CHD9: variants seen among roughly 807,000 people sequenced by gnomAD.
The protein encoded by CHD9 is chromodomain helicase DNA binding protein 9.
A neutral mutation model predicts 316.1 loss-of-function variants in CHD9; 77 were observed. The observed-to-expected ratio is 0.24, with a 90% CI of 0.20 to 0.29. CHD9 has a LOEUF of 0.29. Ranked by LOEUF, CHD9 falls within the 10% of genes least tolerant of loss-of-function variation. The pLI is 1.00. For synonymous variants in CHD9, 1,129 were observed against 1,158.3 expected (o/e 0.97, Z 0.51); for missense variants, 2,763 against 3,438.1 (o/e 0.80, Z 4.91).
At chr16:53,255,508 G>A in intron 18 of CHD9, 92 bp from the exon 19 acceptor site, 1 of 1,110,606 alleles carries the variant, frequency 9.0e-7, no homozygotes, top group South Asian at 1.6e-5. Context: ...GTTTAAGCAT[G>A]CCTCTTGTGT....
chr16:53,198,359 G>T (rs977142676), intron 2 of CHD9, among the ~76,000 whole-genome samples: 3 of 127,372 alleles, frequency 2.4e-5, no homozygotes, highest in African/African-American at 6.1e-5. Context: ...TCGCTCTATC[G>T]CCAGGCTAGA....
At position 53,156,371 on chromosome 16, in the gene CHD9, A is replaced by G. The variant is rs770638032; in HGVS notation, c.282A>G (p.Leu94=). ...QSFGSPAEHV[L]SPHSQFNCSP... ...TTGGTAGCCCAGCTGAACATGTGTTATCTCCACACTCTCAGTTTAATTGTT... is the reference window on the plus strand; with the variant it reads ...TTGGTAGCCCAGCTGAACATGTGTTGTCTCCACACTCTCAGTTTAATTGTT... Residue 94 remains leucine, a synonymous_variant, in exon 2 of 39, where the codon TTA becomes TTG. Coordinates refer to ENST00000447540, the MANE Select transcript of CHD9 (RefSeq NM_001308319.2). 30 of 1,613,884 alleles carry G rather than the reference A, an allele frequency of 1.9e-5. No homozygotes were observed. The highest frequency in any genetic ancestry group is 2.4e-5 in the Non-Finnish European group (28 of 1,179,890).
chr16:53,194,752 C>T lies in CHD9; in HGVS notation c.1453-14730C>T, dbSNP rs189302515. ...AAAATTGTCTTTCTTCCTGATCCCG[C>T]CTTTTCCCATCACCAATAACACTGA... On this transcript the variant is annotated intron_variant, in intron 2 of 38. Transcript: ENST00000447540. 7.9e-4 allele frequency among the ~76,000 whole-genome samples: 120 copies of T among 152,254 alleles called. 1 individual carries two copies. Among genetic ancestry groups the T allele is most frequent in the South Asian group, 2.1e-3 (10 of 4,824 alleles).
At chr16:53,063,531 A>C (rs564209988) in intron 1 of CHD9, among the ~76,000 whole-genome samples, 13 of 150,862 alleles carry the variant, frequency 8.6e-5, no homozygotes, top group South Asian at 8.4e-4. Context: ...TTATTTTTTT[A>C]TTTTTATTTT....
intron 38 of CHD9, 150 bp from the exon 39 acceptor site, chr16:53,323,870 G>A: frequency 3.1e-6 from 2 of 644,082 alleles, no homozygotes; most frequent in South Asian, 2.3e-5. Context: ...TATAAAATTA[G>A]GTTATTGCTA....
At chr16:53,163,422 C>A (rs1483697028) in intron 2 of CHD9, among the ~76,000 whole-genome samples, 1 of 152,250 alleles carries the variant, frequency 6.6e-6, no homozygotes, top group South Asian at 2.1e-4. Context: ...GTTCGTCAGG[C>A]TGGTCTTGAA....
intron 1 of CHD9, among the ~76,000 whole-genome samples, chr16:53,144,745 C>G (rs2040426191): frequency 6.6e-6 from 1 of 152,060 alleles, no homozygotes. Context: ...AGGCTGGTCT[C>G]AAACTCCTGA....
chr16:53,228,536 T>C (rs962996007), intron 7 of CHD9, among the ~76,000 whole-genome samples: 1 of 139,184 alleles, frequency 7.2e-6, no homozygotes, highest in East Asian at 2.0e-4. Flanking sequence ...TCCATGAAAG[T>C]GTTTTTTTTT....
chr16:53,303,756 C>T lies in CHD9; in HGVS notation c.5750C>T (p.Thr1917Ile). The T allele has an allele frequency of 6.2e-7, 1 of 1,612,972 alleles. No individual in the cohort carries two copies. The highest frequency in any genetic ancestry group is 8.5e-7 in the Non-Finnish European group (1 of 1,179,360). The change falls in exon 31 of 39, where the codon ACA (threonine) becomes ATA (isoleucine). Residue 1917 changes from threonine (T) to isoleucine (I), a missense_variant. Thr to Ile is a moderately conservative substitution (Grantham distance 89). Transcript: ENST00000447540. The part of the protein sequence containing the change: ...VDPNIFIQPI[T>I]EERASRTLYR... ...CCAAATATTTTTATCCAGCCCATCA[C>T]AGAAGAACGTGCTTCTAGGACTTTG...
At chr16:53,102,649 A>G (rs2036981759) in intron 1 of CHD9, among the ~76,000 whole-genome samples, 1 of 152,064 alleles carries the variant, frequency 6.6e-6, no homozygotes, top group South Asian at 2.1e-4. Context: ...CCAGTCTTCA[A>G]GACCAGCCTG....
chr16:53,092,593 T>A (rs1056338644), intron 1 of CHD9, among the ~76,000 whole-genome samples: 1 of 152,060 alleles, frequency 6.6e-6, no homozygotes, highest in Admixed American at 6.6e-5. Flanking sequence ...TTAAGTGCCT[T>A]CTCAGCTCCC....
intron 1 of CHD9, chr16:53,121,169 C>G (rs1349725777): frequency 3.1e-6 from 1 of 327,772 alleles, no homozygotes; most frequent in East Asian, 7.8e-5. Flanking sequence ...CTATCTTGTT[C>G]ATTGTTGTAT....
At chr16:53,274,416 A>AC in intron 24 of CHD9, 114 bp downstream of exon 24, 1 of 545,028 alleles carries the variant, frequency 1.8e-6, no homozygotes, top group Non-Finnish European at 3.2e-6. Context: ...CTCGCACTGT[A>AC]GGCACACCAC....
chr16:53,078,872 G>A (rs947848081), intron 1 of CHD9, among the ~76,000 whole-genome samples: 15 of 152,122 alleles, frequency 9.9e-5, no homozygotes, highest in Non-Finnish European at 1.5e-4. Flanking sequence ...AAAAGCAAGA[G>A]GTCTGAGGCA....
intron 7 of CHD9, 182 bp downstream of exon 7, chr16:53,227,785 T>C (rs1465390027): frequency 5.3e-6 from 1 of 188,402 alleles, no homozygotes; most frequent in African/African-American, 2.3e-5. Context: ...AAACCTTTCA[T>C]GTTAAAATTG....
rs927835798 is a variant in CHD9 at position 53,254,690 on chromosome 16, T to C, written c.4029+85T>C. 8 of 1,287,972 alleles carry C rather than the reference T, an allele frequency of 6.2e-6. No individual in the cohort carries two copies. In the African/African-American group the frequency reaches 1.2e-4, roughly 19 times the overall value. 79.8% of individuals were successfully genotyped at this position (1,287,972 alleles called of 1,614,324 possible). Reference sequence around the variant, plus strand: ...CCAATAGTGTGTCATTTAGTTTTGGTCCATGCAGAATACTAAACACATTTG... The same window carrying C: ...CCAATAGTGTGTCATTTAGTTTTGGCCCATGCAGAATACTAAACACATTTG... On this transcript the variant is annotated intron_variant, in intron 18 of 38. Coordinates refer to ENST00000447540, the MANE Select transcript of CHD9 (RefSeq NM_001308319.2).
chr16:53,219,340 G>A (rs2047035970), intron 3 of CHD9, among the ~76,000 whole-genome samples: 1 of 152,110 alleles, frequency 6.6e-6, no homozygotes, highest in African/African-American at 2.4e-5. Flanking sequence ...TAAGAGATTT[G>A]AGGATCTTTA....
intron 27 of CHD9, among the ~76,000 whole-genome samples, chr16:53,288,359 A>G (rs1417116160): frequency 6.6e-6 from 1 of 152,234 alleles, no homozygotes; most frequent in African/African-American, 2.4e-5. Context: ...AGAGTTAGAA[A>G]CTATACCTAC....
intron 22 of CHD9, among the ~76,000 whole-genome samples, chr16:53,272,176 G>A (rs540913388): frequency 4.6e-4 from 69 of 151,552 alleles, no homozygotes; most frequent in African/African-American, 1.4e-3. Context: ...CTACTAAACC[G>A]TACAAAATGT....
Sources: gnomAD v4.1 joint callset for allele counts (sites outside exome capture counted in the v4.1 genomes callset) on GRCh38, gnomAD v4.1.1 for gene constraint, MANE v1.5 for transcripts, NCBI Gene and HGNC (gene_info 2026-07-23, HGNC 2026-07-21) for gene names.